The following CFAP299 variants were observed in gnomAD, a reference collection of about 807,000 sequenced individuals.
CFAP299 encodes the protein cilia and flagella associated protein 299.
CFAP299 carries 21 observed loss-of-function variants against 27.0 expected under a neutral mutation model. That is an observed-to-expected ratio of 0.78 (90% confidence interval 0.55 to 1.12). The LOEUF (loss-of-function observed/expected upper bound fraction) is 1.12, where lower values mean the gene tolerates loss of function less well. CFAP299 is among the 50% of genes most tolerant of loss of function. The pLI is 0.00. For missense variants in CFAP299, 310 were observed against 276.6 expected, an observed-to-expected ratio of 1.12 and a Z score of -0.86; for synonymous variants, 104 against 98.1, an observed-to-expected ratio of 1.06 and a Z score of -0.36.
At chr4:80,868,449 A>G (rs528234627) in intron 3 of CFAP299, among the ~76,000 whole-genome samples, 1 of 152,300 alleles carries the variant, frequency 6.6e-6, no homozygotes, top group East Asian at 1.9e-4. Flanking sequence ...GATTCACTGA[A>G]GATAGTACTT....
intron 2 of CFAP299, among the ~76,000 whole-genome samples, chr4:80,446,818 A>G (rs2110092000): frequency 6.6e-6 from 1 of 152,330 alleles, no homozygotes; most frequent in East Asian, 1.9e-4. Context: ...TAACCCAGAA[A>G]TTTAATAATA....
intron 5 of CFAP299, among the ~76,000 whole-genome samples, chr4:80,953,918 T>A (rs1485950330): frequency 6.6e-6 from 1 of 152,196 alleles, no homozygotes; most frequent in Non-Finnish European, 1.5e-5. Context: ...AAGCTTTTAT[T>A]TCCAAGAGCA....
At chr4:80,499,286 A>G (rs1731619619) in intron 2 of CFAP299, among the ~76,000 whole-genome samples, 1 of 152,172 alleles carries the variant, frequency 6.6e-6, no homozygotes, top group Non-Finnish European at 1.5e-5. Context: ...TGAGGGAAAA[A>G]TGTCATTCAA....
intron 3 of CFAP299, among the ~76,000 whole-genome samples, chr4:80,821,292 C>A (rs531454219): frequency 6.6e-6 from 1 of 152,268 alleles, no homozygotes; most frequent in South Asian, 2.1e-4. Context: ...GTTCTTGAGT[C>A]ACTGAAAACG....
intron 3 of CFAP299, among the ~76,000 whole-genome samples, chr4:80,631,243 T>A (rs976887574): frequency 6.6e-6 from 1 of 152,050 alleles, no homozygotes; most frequent in African/African-American, 2.4e-5. Flanking sequence ...TTTTATAATT[T>A]ATTTTTATAA....
rs139760959 is a variant in CFAP299 at position 80,931,423 on chromosome 4, A to G, written c.477-13387A>G. Among the ~76,000 whole-genome samples, 4 of 152,264 alleles carry G rather than the reference A, an allele frequency of 2.6e-5. No individual in the cohort carries two copies. In the East Asian group the frequency reaches 7.7e-4, roughly 29 times the overall value. Reference sequence around the variant, plus strand: ...TGGTTTCTGAGAGGGAGAGCACCCCATTCAAACAAGACAATTGGCAAAATT... The same window carrying G: ...TGGTTTCTGAGAGGGAGAGCACCCCGTTCAAACAAGACAATTGGCAAAATT... On this transcript the variant is annotated intron_variant, in intron 4 of 5. Transcript: ENST00000358105.
intron 3 of CFAP299, among the ~76,000 whole-genome samples, chr4:80,854,883 T>G (rs1348160263): frequency 1.5e-5 from 2 of 134,596 alleles, no homozygotes; most frequent in Non-Finnish European, 3.1e-5. Flanking sequence ...TTTTCTAAAC[T>G]AGATAGAAGG....
intron 3 of CFAP299, among the ~76,000 whole-genome samples, chr4:80,816,835 A>G (rs188993353): frequency 6.6e-6 from 1 of 152,246 alleles, no homozygotes; most frequent in East Asian, 1.9e-4. Flanking sequence ...TAACGATAGC[A>G]GATGAGCTTT....
intron 3 of CFAP299, among the ~76,000 whole-genome samples, chr4:80,714,032 T>C (rs988090750): frequency 6.6e-6 from 1 of 152,168 alleles, no homozygotes; most frequent in Non-Finnish European, 1.5e-5. Flanking sequence ...TATATATGTA[T>C]AGCTTCAGCA....
chr4:80,657,525 A>G (rs1392856332), intron 3 of CFAP299, among the ~76,000 whole-genome samples: 1 of 152,114 alleles, frequency 6.6e-6, no homozygotes, highest in Non-Finnish European at 1.5e-5. Context: ...TTTGTCAAAG[A>G]TCAGATGGTT....
chr4:80,365,980 T>C (rs1723813796), intron 2 of CFAP299, among the ~76,000 whole-genome samples: 1 of 152,200 alleles, frequency 6.6e-6, no homozygotes, highest in Non-Finnish European at 1.5e-5. Flanking sequence ...CTGCTAGAAT[T>C]TGAAGGCCCT....
chr4:80,344,643 A>G (rs1194259131), intron 1 of CFAP299, among the ~76,000 whole-genome samples: 1 of 151,816 alleles, frequency 6.6e-6, no homozygotes, highest in Non-Finnish European at 1.5e-5. Context: ...CCCTGTTTAT[A>G]AAGCCAGTAT....
At chr4:80,454,618 G>A (rs1000778728) in intron 2 of CFAP299, among the ~76,000 whole-genome samples, 1 of 152,138 alleles carries the variant, frequency 6.6e-6, no homozygotes, top group South Asian at 2.1e-4. Context: ...TGAGGAAATT[G>A]AAACATAAGA....
intron 2 of CFAP299, among the ~76,000 whole-genome samples, chr4:80,395,811 T>G (rs910809122): frequency 2.0e-5 from 3 of 152,204 alleles, no homozygotes; most frequent in African/African-American, 7.2e-5. Flanking sequence ...ATTCATTGAA[T>G]CAATCATTTA....
At chr4:80,779,619 C>T (rs1306141933) in intron 3 of CFAP299, among the ~76,000 whole-genome samples, 1 of 152,002 alleles carries the variant, frequency 6.6e-6, no homozygotes, top group Non-Finnish European at 1.5e-5. Context: ...CATATATATA[C>T]TGCAACAGGC....
At position 80,595,490 on chromosome 4, in the gene CFAP299, T is replaced by A. The variant is rs551837927; in HGVS notation, c.333+12307T>A. Among the ~76,000 whole-genome samples the A allele has an allele frequency of 2.0e-5, 3 of 152,350 alleles. No homozygotes were observed. In the East Asian group the frequency reaches 5.8e-4, roughly 29 times the overall value. ...TTTATTCATGATGTTCAACACTGGC[T>A]TGTCCAAAATTTGTATGTATCTGTT... On this transcript the variant is annotated intron_variant, in intron 3 of 5. Transcript: ENST00000358105.
intron 3 of CFAP299, among the ~76,000 whole-genome samples, chr4:80,614,406 A>T (rs1738165568): frequency 6.6e-6 from 1 of 152,206 alleles, no homozygotes; most frequent in African/African-American, 2.4e-5. Flanking sequence ...TGAGGCACTA[A>T]CTTTAAACTA....
At chr4:80,723,642 G>T (rs1722972704) in intron 3 of CFAP299, among the ~76,000 whole-genome samples, 1 of 152,026 alleles carries the variant, frequency 6.6e-6, no homozygotes, top group African/African-American at 2.4e-5. Context: ...TAGGGTAATT[G>T]ATATATTTAT....
chr4:80,733,069 A>T (rs1012946302), intron 3 of CFAP299, among the ~76,000 whole-genome samples: 12 of 152,102 alleles, frequency 7.9e-5, no homozygotes, highest in African/African-American at 2.9e-4. Context: ...AGATAATCAT[A>T]TAATAAATTT....
Sources: allele counts gnomAD v4.1 joint callset (sites outside exome capture counted in the v4.1 genomes callset), GRCh38; gene constraint gnomAD v4.1.1; transcripts MANE v1.5; gene names NCBI Gene and HGNC (gene_info 2026-07-23, HGNC 2026-07-21).